The following HTR1F variants were observed in gnomAD, a reference collection of about 807,000 sequenced individuals.
HTR1F encodes 5-hydroxytryptamine (serotonin) receptor 1F, G protein-coupled.
HTR1F carries 17 observed loss-of-function variants against 24.0 expected under a neutral mutation model. That is an observed-to-expected ratio of 0.71 (90% CI 0.48 to 1.06). HTR1F has a LOEUF of 1.06. Among genes scored for constraint, HTR1F ranks in the 50% least tolerant of loss-of-function variants. The probability of loss-of-function intolerance (pLI) is 0.00; values close to 1 mark genes in which losing one functional copy is unlikely to be tolerated. For missense variants in HTR1F, 391 were observed against 427.8 expected, an observed-to-expected ratio of 0.91 and a Z score of 0.76; for synonymous variants, 186 against 156.8, an observed-to-expected ratio of 1.19 and a Z score of -1.39.
rs181176731 is a variant in HTR1F at position 87,953,394 on chromosome 3, T to C, written c.-42-37314T>C. 3.6e-4 allele frequency among the ~76,000 whole-genome samples: 55 copies of C among 151,342 alleles called. 1 individual carries two copies. In the East Asian group the frequency reaches 8.0e-3, roughly 22 times the overall value. On this transcript the variant is annotated intron_variant, in intron 2 of 2. Coordinates refer to ENST00000319595, the MANE Select transcript of HTR1F (RefSeq NM_001322209.2). ...GAAAATAGTGAGCAAAGGATCTGCA[T>C]AGACATCTTACAAAAAAAGACATAC...
At chr3:87,919,466 T>C (rs895778230) in intron 2 of HTR1F, among the ~76,000 whole-genome samples, 16 of 151,742 alleles carry the variant, frequency 1.1e-4, no homozygotes, top group African/African-American at 3.6e-4. Context: ...GTCTTCACAA[T>C]CTATACATCT....
At chr3:87,793,393 A>G (rs1185183433) in intron 1 of HTR1F, 1 of 152,140 alleles carries the variant, frequency 6.6e-6, no homozygotes, top group African/African-American at 2.4e-5. Flanking sequence ...CAGTTTTCCA[A>G]CTTTATTTCC....
intron 2 of HTR1F, among the ~76,000 whole-genome samples, chr3:87,933,725 A>G (rs1310533342): frequency 6.6e-6 from 1 of 152,236 alleles, no homozygotes. Flanking sequence ...AAATGGAAGA[A>G]CATTCCATGC....
chr3:87,952,495 T>C (rs1322777451), intron 2 of HTR1F, among the ~76,000 whole-genome samples: 1 of 151,938 alleles, frequency 6.6e-6, no homozygotes, highest in African/African-American at 2.4e-5. Context: ...GTCTTCCTCA[T>C]AAAAGTATTT....
At chr3:87,842,348 G>C (rs1207500845) in intron 2 of HTR1F, among the ~76,000 whole-genome samples, 1 of 151,618 alleles carries the variant, frequency 6.6e-6, no homozygotes, top group Non-Finnish European at 1.5e-5. Context: ...ATTTTTAGTA[G>C]AGACTTGGTT....
At chr3:87,850,351 C>T (rs1382481244) in intron 2 of HTR1F, among the ~76,000 whole-genome samples, 3 of 151,890 alleles carry the variant, frequency 2.0e-5, no homozygotes, top group East Asian at 1.9e-4. Context: ...AGCAAACTAT[C>T]GCAAGGACAA....
intron 2 of HTR1F, among the ~76,000 whole-genome samples, chr3:87,987,632 T>C (rs867045961): frequency 8.6e-5 from 3 of 35,060 alleles, no homozygotes; most frequent in Non-Finnish European, 1.6e-4. Context: ...ATATATATAA[T>C]ATATGTATTT....
rs566347489 is a variant in HTR1F at position 87,935,519 on chromosome 3, G to A, written c.-42-55189G>A. Among the ~76,000 whole-genome samples, 32 of 151,446 alleles carry A rather than the reference G, an allele frequency of 2.1e-4. 1 individual carries two copies. In the South Asian group the frequency reaches 6.0e-3, roughly 29 times the overall value. ...TGAGAAACAAAGAAAAAAAAAAAAG[G>A]TCTTCCGCTAAATGAAACTGCTTCA... On this transcript the variant is annotated intron_variant, in intron 2 of 2. Transcript: ENST00000319595.
intron 2 of HTR1F, among the ~76,000 whole-genome samples, chr3:87,873,123 CACACACACACAG>C (rs1165202449): frequency 1.4e-4 from 20 of 143,484 alleles, no homozygotes; most frequent in East Asian, 2.1e-4. Flanking sequence ...CACACACACA[CACACACACACAG>C]AGAGATTTAT....
chr3:87,979,917 C>CATTT (rs1338289738), intron 2 of HTR1F, among the ~76,000 whole-genome samples: 1 of 152,224 alleles, frequency 6.6e-6, no homozygotes, highest in African/African-American at 2.4e-5. Flanking sequence ...GAGGAGAATG[C>CATTT]AGTAGCACCT....
intron 2 of HTR1F, among the ~76,000 whole-genome samples, chr3:87,978,075 G>A (rs1163368207): frequency 2.6e-5 from 4 of 152,178 alleles, no homozygotes; most frequent in African/African-American, 9.7e-5. Context: ...GCAGAGGGGC[G>A]GGCAGCTCCA....
chr3:87,864,902 A>AAAAAGAAAAG lies in HTR1F; in HGVS notation c.-43+42799_-43+42808dup, dbSNP rs370477093. Among the ~76,000 whole-genome samples, 749 of 144,450 alleles carry AAAAAGAAAAG rather than the reference A, an allele frequency of 5.2e-3. 4 individuals are homozygous for AAAAAGAAAAG. The highest frequency in any genetic ancestry group is 0.016 in the African/African-American group (609 of 37,250). 94.8% of individuals were successfully genotyped at this position (144,450 alleles called of 152,430 possible). On this transcript the variant is annotated intron_variant, in intron 2 of 2. Coordinates refer to ENST00000319595, the MANE Select transcript of HTR1F (RefSeq NM_001322209.2). ...GCAAGACTTCATCTCAAAAAAAAAAAAAAAGAAAAGAAAAGAAAAGAAAAG... is the reference window on the plus strand; with the variant it reads ...GCAAGACTTCATCTCAAAAAAAAAAAAAAAGAAAAGAAAAGAAAAGAAAAGAAAAGAAAAG...
At chr3:87,837,408 C>T (rs921489599) in intron 2 of HTR1F, among the ~76,000 whole-genome samples, 22 of 152,098 alleles carry the variant, frequency 1.4e-4, no homozygotes, top group Admixed American at 8.5e-4. Context: ...TCTTTTCTTA[C>T]AGTTCCAGCA....
In HTR1F at chr3:87,980,117, G is replaced by A. The variant is rs140679730; in HGVS notation, c.-42-10591G>A. ...GCTCTTTCAGTTCTGCCATTCAGTG[G>A]GTCCCAAATTCTTGTCCTGCTTCAA... On this transcript the variant is annotated intron_variant, in intron 2 of 2. Transcript: ENST00000319595. 2.9e-3 allele frequency among the ~76,000 whole-genome samples: 434 copies of A among 152,268 alleles called. 2 individuals carry two copies. The highest frequency in any genetic ancestry group is 0.01 in the African/African-American group (419 of 41,538).
Position 87,978,005 on chromosome 3 carries a change from G to A in HTR1F, c.-42-12703G>A, listed in dbSNP as rs982924252. On this transcript the variant is annotated intron_variant, in intron 2 of 2. Coordinates refer to ENST00000319595, the MANE Select transcript of HTR1F (RefSeq NM_001322209.2). ...TGAGCTAGATGCATAGAGGCAAGAGGTATGTGAGTGAGTGAGTGCAGGGTC... is the reference window on the plus strand; with the variant it reads ...TGAGCTAGATGCATAGAGGCAAGAGATATGTGAGTGAGTGAGTGCAGGGTC... 3.9e-5 allele frequency among the ~76,000 whole-genome samples: 6 copies of A among 152,314 alleles called. 1 individual carries two copies. Among genetic ancestry groups the A allele is most frequent in the East Asian group, 3.9e-4 (2 of 5,172 alleles).
chr3:87,931,026 C>CTTTTT (rs34617109), intron 2 of HTR1F, among the ~76,000 whole-genome samples: 1 of 131,840 alleles, frequency 7.6e-6, no homozygotes, highest in Non-Finnish European at 1.6e-5. Flanking sequence ...ATAGTCTTTC[C>CTTTTT]TTTTTTTTTT....
intron 2 of HTR1F, among the ~76,000 whole-genome samples, chr3:87,898,214 A>G (rs1389990468): frequency 1.3e-5 from 2 of 152,258 alleles, no homozygotes; most frequent in African/African-American, 4.8e-5. Context: ...GCTCTGAGTA[A>G]GATTACTACA....
At chr3:87,988,893 A>G (rs1198171971) in intron 2 of HTR1F, among the ~76,000 whole-genome samples, 2 of 152,086 alleles carry the variant, frequency 1.3e-5, no homozygotes, top group Non-Finnish European at 2.9e-5. Context: ...GTGTTTTATA[A>G]TATACCTAAC....
At chr3:87,838,160 T>C (rs1427774756) in intron 2 of HTR1F, among the ~76,000 whole-genome samples, 2 of 152,096 alleles carry the variant, frequency 1.3e-5, no homozygotes, top group Non-Finnish European at 2.9e-5. Flanking sequence ...CTAATAGAAA[T>C]TGACCATTAG....
Sources: allele counts gnomAD v4.1 joint callset (sites outside exome capture counted in the v4.1 genomes callset), GRCh38; gene constraint gnomAD v4.1.1; transcripts MANE v1.5; gene names NCBI Gene and HGNC (gene_info 2026-07-23, HGNC 2026-07-21).